The following WDR48 variants were observed in gnomAD, a reference collection of about 807,000 sequenced individuals.
WDR48 encodes the protein WD repeat-containing protein 48.
In WDR48, 22 loss-of-function variants were observed where a neutral mutation model predicts 94.0. The observed-to-expected ratio is 0.23, with a 90% CI of 0.17 to 0.33. WDR48 has a LOEUF of 0.33. Among genes scored for constraint, WDR48 ranks in the 10% least tolerant of loss-of-function variants. The pLI is 1.00. For synonymous variants in WDR48, 278 were observed against 280.5 expected, an observed-to-expected ratio of 0.99 and a Z score of 0.09; for missense variants, 541 against 813.8, an observed-to-expected ratio of 0.66 and a Z score of 4.08.
chr3:39,081,170 C>T (rs6767080), intron 11 of WDR48, among the ~76,000 whole-genome samples: 4 of 151,982 alleles, frequency 2.6e-5, no homozygotes, highest in Non-Finnish European at 2.9e-5. Flanking sequence ...AAATAAAGGA[C>T]GAGACAGGTG....
chr3:39,088,109 C>T lies in WDR48; in HGVS notation c.1475-19C>T. On this transcript the variant is annotated intron_variant, in intron 14 of 18. Coordinates refer to ENST00000302313, the MANE Select transcript of WDR48 (RefSeq NM_020839.4). The stretch of plus-strand genomic sequence containing the variant: ...TTAGCACTAACTCTGATATTAACAC[C>T]ACCTGCATCTTTTCCTAGTAAATGG... The T allele has an allele frequency of 6.2e-7, 1 of 1,611,028 alleles. No homozygotes were observed. Among genetic ancestry groups the T allele is most frequent in the Non-Finnish European group, 8.5e-7 (1 of 1,177,340 alleles).
chr3:39,084,346 C>A, intron 12 of WDR48, 84 bp downstream of exon 12: 1 of 1,014,118 alleles, frequency 9.9e-7, no homozygotes, highest in South Asian at 2.8e-5. Flanking sequence ...TTACAGAGTC[C>A]TGTGTTTTTA....
chr3:39,065,987 C>A, intron 3 of WDR48, 98 bp downstream of exon 3: 2 of 798,142 alleles, frequency 2.5e-6, no homozygotes, highest in Non-Finnish European at 3.7e-6. Context: ...AGTACACACA[C>A]TTCGAGATTG....
In WDR48 at chr3:39,093,976, T is replaced by G. The variant is rs1376336424; in HGVS notation, c.1848T>G (p.Ser616=). ...ATAATGAGTCTCAAACCACTAGCTC[T>G]TCTAATAATGAAAAACCAGGAGAAC... ...NLDNESQTTS[S]SNNEKPGEQE... is the part of the protein sequence containing the mutation. Residue 616 remains serine, a synonymous_variant, in exon 18 of 19, where the codon TCT becomes TCG. Coordinates refer to ENST00000302313, the MANE Select transcript of WDR48 (RefSeq NM_020839.4). 6.2e-7 allele frequency: 1 copy of G among 1,614,022 alleles called. No homozygotes were observed. Among genetic ancestry groups the G allele is most frequent in the Non-Finnish European group, 8.5e-7 (1 of 1,180,028 alleles).
intron 1 of WDR48, among the ~76,000 whole-genome samples, chr3:39,061,056 G>A (rs2033226360): frequency 6.6e-6 from 1 of 152,214 alleles, no homozygotes; most frequent in South Asian, 2.1e-4. Flanking sequence ...TGTGGAGAAA[G>A]GGTATAATTG....
At chr3:39,070,687 CTT>C (rs34204168) in intron 7 of WDR48, among the ~76,000 whole-genome samples, 17,140 of 133,194 alleles carry the variant, frequency 0.13, 1,126 homozygotes, top group East Asian at 0.23. Flanking sequence ...TGTGAAGGAT[CTT>C]TTTTTTTTTT....
chr3:39,057,617 ATTTTAT>A (rs141929748), intron 1 of WDR48, among the ~76,000 whole-genome samples: 1 of 152,022 alleles, frequency 6.6e-6, no homozygotes, highest in Admixed American at 6.5e-5. Flanking sequence ...TGGTTATTTT[ATTTTAT>A]TTTTATTTTT....
At position 39,052,020 on chromosome 3, in the gene WDR48, T is replaced by C; in HGVS notation, c.-6T>C. On this transcript the variant is annotated 5_prime_UTR_variant, in exon 1 of 19. The change abolishes an upstream ATG in the 5' untranslated region. Transcript: ENST00000302313. ...CGGAAGTGACGTCGGAGTGTCAACA[T>C]GCAAGATGGCGGCCCATCACCGGCA... The C allele has an allele frequency of 6.2e-7, 1 of 1,613,768 alleles. No homozygotes were observed. Among genetic ancestry groups the C allele is most frequent in the Non-Finnish European group, 8.5e-7 (1 of 1,179,882 alleles).
intron 15 of WDR48, among the ~76,000 whole-genome samples, chr3:39,088,522 C>G (rs529636360): frequency 5.3e-5 from 8 of 152,268 alleles, no homozygotes; most frequent in Admixed American, 5.2e-4. Flanking sequence ...TCACTTTGCC[C>G]GTGTGACTGC....
intron 11 of WDR48, among the ~76,000 whole-genome samples, chr3:39,080,110 G>C (rs917101722): frequency 6.6e-6 from 1 of 152,012 alleles, no homozygotes; most frequent in Non-Finnish European, 1.5e-5. Flanking sequence ...ATTATTTGGA[G>C]GTGGAGGAGG....
At chr3:39,069,145 T>C (rs1020532490) in intron 6 of WDR48, among the ~76,000 whole-genome samples, 7 of 152,062 alleles carry the variant, frequency 4.6e-5, no homozygotes, top group Admixed American at 3.3e-4. Context: ...CCCATCTGGC[T>C]AATTTTTGTA....
intron 11 of WDR48, among the ~76,000 whole-genome samples, chr3:39,081,388 C>G (rs1207955078): frequency 6.6e-6 from 1 of 152,160 alleles, no homozygotes; most frequent in East Asian, 1.9e-4. Flanking sequence ...CATTATGAAA[C>G]AGTTGTTTGG....
chr3:39,078,246 A>C lies in WDR48; in HGVS notation c.1075+7A>C. 1 of 1,596,668 alleles carries C rather than the reference A, an allele frequency of 6.3e-7. No homozygotes were observed. Among genetic ancestry groups the C allele is most frequent in the Non-Finnish European group, 8.6e-7 (1 of 1,166,324 alleles). On this transcript the variant is annotated splice_region_variant and intron_variant, in intron 10 of 18. Coordinates refer to ENST00000302313, the MANE Select transcript of WDR48 (RefSeq NM_020839.4). ...CCTGACCAGGTTATTAAAGGTAAGA[A>C]AATGGAAGGTACTGTACCCCTTATT... is the stretch of plus-strand genomic sequence containing the variant.
At position 39,079,765 on chromosome 3, in the gene WDR48, C is replaced by G. The variant is rs140448372; in HGVS notation, c.1130C>G (p.Thr377Ser). ...HILNDKRHIL[T>S]KDTNNNVAYW... is the part of the protein sequence containing the mutation. Reference sequence around the variant, plus strand: ...CTTAATGATAAGAGACATATATTAACCAAAGATACCAATAATAATGTGGCA... The same window carrying G: ...CTTAATGATAAGAGACATATATTAAGCAAAGATACCAATAATAATGTGGCA... The change falls in exon 11 of 19, where the codon ACC (threonine) becomes AGC (serine). Residue 377 changes from threonine to serine, a missense_variant. Transcript: ENST00000302313. 1.3e-5 allele frequency: 20 copies of G among 1,554,110 alleles called. No individual in the cohort carries two copies. In the African/African-American group the frequency reaches 1.8e-4, roughly 14 times the overall value.
chr3:39,056,712 A>G (rs1313421209), intron 1 of WDR48, among the ~76,000 whole-genome samples: 2 of 152,376 alleles, frequency 1.3e-5, no homozygotes, highest in South Asian at 2.1e-4. Flanking sequence ...TGTGGAGGAA[A>G]GACCTTTTCA....
intron 18 of WDR48, 87 bp from the exon 19 acceptor site, chr3:39,094,561 G>T: frequency 6.4e-7 from 1 of 1,570,910 alleles, no homozygotes. Context: ...GAGCAAGCTG[G>T]ATCACCTGAT....
rs149341439 is a variant in WDR48, at chr3:39,055,343, G to A, written c.48+3270G>A. ...CTCTACTAAAAATATAAAAATTGCC[G>A]GCATGGTGGCGCATGCCTGTAATCC... On this transcript the variant is annotated intron_variant, in intron 1 of 18. Transcript: ENST00000302313. Among the ~76,000 whole-genome samples the A allele has an allele frequency of 5.0e-3, 754 of 152,218 alleles. 11 individuals carry two copies. Among genetic ancestry groups the A allele is most frequent in the African/African-American group, 0.016 (679 of 41,530 alleles).
intron 8 of WDR48, 68 bp from the exon 9 acceptor site, chr3:39,077,071 A>G (rs768915592): frequency 4.6e-5 from 71 of 1,559,460 alleles, no homozygotes; most frequent in Non-Finnish European, 4.8e-5. Flanking sequence ...TATTAATAAC[A>G]TATCTAGTCC....
chr3:39,092,011 A>G (rs1381689966), intron 17 of WDR48, among the ~76,000 whole-genome samples: 3 of 152,182 alleles, frequency 2.0e-5, no homozygotes, highest in African/African-American at 4.8e-5. Context: ...TGTCTCTACA[A>G]AAGATTTAAG....
Sources: gnomAD v4.1 joint callset for allele counts (sites outside exome capture counted in the v4.1 genomes callset) on GRCh38, gnomAD v4.1.1 for gene constraint, MANE v1.5 for transcripts, NCBI Gene and HGNC (gene_info 2026-07-23, HGNC 2026-07-21) for gene names.